PACS1: variants seen among roughly 807,000 people sequenced by gnomAD.
PACS1 encodes PACS-1.
PACS1 carries 24 observed loss-of-function variants against 115.0 expected under a neutral mutation model. The ratio of observed to expected loss-of-function variants is 0.21; its 90% confidence interval spans 0.15 to 0.29. PACS1 has a LOEUF of 0.29. PACS1 is among the 10% of genes least tolerant of loss of function. The pLI is 1.00. For missense variants in PACS1, 838 were observed against 1,251.2 expected (o/e 0.67, Z 4.98); for synonymous variants, 453 against 504.5 (o/e 0.90, Z 1.37).
chr11:66,176,936 T>TTA (rs909615306), intron 1 of PACS1, among the ~76,000 whole-genome samples: 18 of 152,274 alleles, frequency 1.2e-4, no homozygotes, highest in African/African-American at 4.3e-4. Context: ...GGTAAAGCAC[T>TTA]TATAAGTTAG....
intron 10 of PACS1, among the ~76,000 whole-genome samples, chr11:66,225,904 C>T (rs1590833201): frequency 1.3e-5 from 2 of 152,188 alleles, no homozygotes; most frequent in East Asian, 1.9e-4. Context: ...CGTGGTGGCT[C>T]ACACCTGTAA....
intron 1 of PACS1, among the ~76,000 whole-genome samples, chr11:66,141,570 C>G (rs960987757): frequency 6.6e-6 from 1 of 151,424 alleles, no homozygotes; most frequent in Admixed American, 6.6e-5. Context: ...AGGAGAATCA[C>G]TTGAACCCAG....
intron 16 of PACS1, 50 bp from the exon 17 acceptor site, chr11:66,234,082 A>G: frequency 6.5e-7 from 1 of 1,527,286 alleles, no homozygotes; most frequent in Non-Finnish European, 9.1e-7. Flanking sequence ...CTGCTCCCAC[A>G]CTGTCTCATC....
Position 66,235,993 on chromosome 11 carries a change from G to T in PACS1, c.2250+53G>T. ...CCCCACCCGTTCTCCTGGTCTTCCT[G>T]TTCCCCCTTACACAGGAAAACAAAA... is the stretch of plus-strand genomic sequence containing the variant. On this transcript the variant is annotated intron_variant, in intron 19 of 23. Coordinates refer to ENST00000320580, the MANE Select transcript of PACS1 (RefSeq NM_018026.4). This position sits in a 1 kb window ranked among gnomAD's most constrained non-coding sequence, Gnocchi z 5.6. 6.7e-7 allele frequency: 1 copy of T among 1,499,992 alleles called. No homozygotes were observed. The highest frequency in any genetic ancestry group is 9.3e-7 in the Non-Finnish European group (1 of 1,075,770). 92.9% of individuals were successfully genotyped at this position (1,499,992 alleles called of 1,614,324 possible).
intron 1 of PACS1, among the ~76,000 whole-genome samples, chr11:66,081,381 C>T (rs1045690139): frequency 6.6e-6 from 1 of 152,178 alleles, no homozygotes; most frequent in African/African-American, 2.4e-5. Flanking sequence ...ATTACTGTTG[C>T]TGTTTTTCTT....
At chr11:66,119,066 T>A (rs1394887471) in intron 1 of PACS1, among the ~76,000 whole-genome samples, 1 of 152,204 alleles carries the variant, frequency 6.6e-6, no homozygotes, top group East Asian at 1.9e-4. Flanking sequence ...GAAGGCTTCC[T>A]GAACCAGTGG....
intron 1 of PACS1, among the ~76,000 whole-genome samples, chr11:66,139,058 T>G (rs948103551): frequency 3.9e-5 from 6 of 152,134 alleles, no homozygotes; most frequent in Admixed American, 1.3e-4. Flanking sequence ...AAAAGAGAAG[T>G]TCTGACTTTT....
intron 19 of PACS1, chr11:66,238,314 C>CTATCTCAGCCTCCCAAAGTGCTGGGA: frequency 1.0e-6 from 1 of 985,322 alleles, no homozygotes; most frequent in Non-Finnish European, 1.2e-6. Flanking sequence ...CCCACAGGAC[C>CTATCTCAGCCTCCCAAAGTGCTGGGA]TTAGAGAAAC....
rs1040760332 is a variant in PACS1, at chr11:66,201,938, G to A, written c.444+8365G>A. Among the ~76,000 whole-genome samples the A allele has an allele frequency of 3.9e-5, 6 of 151,988 alleles. No homozygotes were observed. In the East Asian group the frequency reaches 1.2e-3, roughly 29 times the overall value. ...CCTTCGGTGCTGGGATTACAGGTGT[G>A]AGCCATCACACCCGGCCAAAGAGTT... On this transcript the variant is annotated intron_variant, in intron 2 of 23. Transcript: ENST00000320580.
intron 1 of PACS1, among the ~76,000 whole-genome samples, chr11:66,127,456 T>G (rs1858606939): frequency 6.6e-6 from 1 of 152,232 alleles, no homozygotes; most frequent in Admixed American, 6.5e-5. Context: ...GAGAACCGCC[T>G]GGTCCTCCTC....
chr11:66,157,704 A>G (rs1438054416), intron 1 of PACS1, among the ~76,000 whole-genome samples: 1 of 152,136 alleles, frequency 6.6e-6, no homozygotes, highest in African/African-American at 2.4e-5. Flanking sequence ...GGGACTTGTT[A>G]TCACAGACAC....
intron 1 of PACS1, among the ~76,000 whole-genome samples, chr11:66,141,883 G>A (rs1669982458): frequency 6.6e-6 from 1 of 151,938 alleles, no homozygotes; most frequent in Non-Finnish European, 1.5e-5. Context: ...TCAGCTCACG[G>A]CAGCCTCTGT....
intron 1 of PACS1, among the ~76,000 whole-genome samples, chr11:66,188,956 A>T (rs1369348528): frequency 2.0e-5 from 3 of 152,146 alleles, no homozygotes; most frequent in Non-Finnish European, 4.4e-5. Flanking sequence ...TGGTCTCTGG[A>T]CTGTGATAGG....
In PACS1 at chr11:66,235,182, A is replaced by G; in HGVS notation, c.2105-119A>G. On this transcript the variant is annotated intron_variant, in intron 17 of 23. Transcript: ENST00000320580. This position sits in a 1 kb window ranked among gnomAD's most constrained non-coding sequence, Gnocchi z 5.6. ...CAAACCAGAAGGACCGTAGAGCCCC[A>G]TCCTTCACTCAACTCCTAGAGTCTG... The G allele has an allele frequency of 1.4e-6, 1 of 696,190 alleles. No individual in the cohort carries two copies. Among genetic ancestry groups the G allele is most frequent in the South Asian group, 1.7e-5 (1 of 57,596 alleles). The allele number at this position is 696,190 out of a possible 1,614,324, so 43.1% of individuals were successfully genotyped here. A position where few individuals can be genotyped will look rare whatever the true frequency, so the allele number is the denominator to read the frequency against.
rs987302485 is a variant in PACS1, at chr11:66,070,407, C to CCCGCCG, written c.-69_-64dup. The CCCGCCG allele has an allele frequency of 1.2e-5, 11 of 903,046 alleles. No homozygotes were observed. The highest frequency in any genetic ancestry group is 5.3e-5 in the South Asian group (1 of 18,892). The allele number at this position is 903,046 out of a possible 1,614,324, so 55.9% of individuals were successfully genotyped here. Reference sequence around the variant, plus strand: ...GGCGGGCTGAGGAGGCTGCCGCGCCCCCGCCGCCGCCGCCGCGGGGGAAGC... The same window carrying CCCGCCG: ...GGCGGGCTGAGGAGGCTGCCGCGCCCCCGCCGCCGCCGCCGCCGCCGCGGGGGAAGC... On this transcript the variant is annotated 5_prime_UTR_variant, in exon 1 of 24. Coordinates refer to ENST00000320580, the MANE Select transcript of PACS1 (RefSeq NM_018026.4). The surrounding 1 kb of genome is among the most constrained non-coding windows in gnomAD (Gnocchi z 5.9).
intron 11 of PACS1, among the ~76,000 whole-genome samples, chr11:66,228,399 TC>T (rs776784736): frequency 2.0e-5 from 3 of 152,138 alleles, no homozygotes; most frequent in Admixed American, 6.5e-5. Flanking sequence ...ACATTAAAGA[TC>T]TTATGTATTT....
At chr11:66,216,328 G>A in intron 5 of PACS1, 65 bp downstream of exon 5, 2 of 1,584,724 alleles carry the variant, frequency 1.3e-6, no homozygotes, top group South Asian at 2.2e-5. Flanking sequence ...AGGTGAACAA[G>A]ACAGTGCCTG....
chr11:66,108,390 A>G (rs188977967), intron 1 of PACS1, among the ~76,000 whole-genome samples: 20 of 152,228 alleles, frequency 1.3e-4, no homozygotes, highest in African/African-American at 4.6e-4. Flanking sequence ...TTAGGGCACT[A>G]TCTCCAAATG....
chr11:66,092,349 G>A (rs1303705786), intron 1 of PACS1, among the ~76,000 whole-genome samples: 10 of 152,074 alleles, frequency 6.6e-5, no homozygotes, highest in Admixed American at 3.3e-4. Context: ...CATGTCCTTC[G>A]CCCACTTTTT....
Sources: allele counts gnomAD v4.1 joint callset (sites outside exome capture counted in the v4.1 genomes callset), GRCh38; gene constraint gnomAD v4.1.1; non-coding constraint Gnocchi (gnomAD v3.1); transcripts MANE v1.5; gene names NCBI Gene and HGNC (gene_info 2026-07-23, HGNC 2026-07-21).